APBB2: variants seen among roughly 807,000 people sequenced by gnomAD.
APBB2 encodes amyloid beta precursor protein binding family B member 2.
APBB2 carries 38 observed loss-of-function variants against 82.5 expected under a neutral mutation model. The ratio of observed to expected loss-of-function variants is 0.46; its 90% CI spans 0.36 to 0.60. The LOEUF (loss-of-function observed/expected upper bound fraction) is 0.60, where lower values mean the gene tolerates loss of function less well. Among genes scored for constraint, APBB2 ranks in the 20% least tolerant of loss-of-function variants. The pLI, the probability that APBB2 is intolerant of heterozygous loss-of-function variation, is 0.00. For synonymous variants in APBB2, 341 were observed against 368.2 expected, an observed-to-expected ratio of 0.93 and a Z score of 0.85; for missense variants, 772 against 972.3, an observed-to-expected ratio of 0.79 and a Z score of 2.74.
In APBB2 at chr4:40,949,957, A is replaced by T. The variant is rs182764070; in HGVS notation, c.836-4884T>A. Among the ~76,000 whole-genome samples, 328 of 152,238 alleles carry T rather than the reference A, an allele frequency of 2.2e-3. 2 individuals are homozygous for T. The highest frequency in any genetic ancestry group is 7.4e-3 in the African/African-American group (309 of 41,552). On this transcript the variant is annotated intron_variant, in intron 6 of 17. Coordinates refer to ENST00000508593, the MANE Select transcript of APBB2 (RefSeq NM_004307.2). ...TGTGCAACAGTCCTCTTAGGGGGTG[A>T]GATTCGGCACTGGACAGCCTAAAAC...
At chr4:41,133,636 G>A (rs1254511739) in intron 2 of APBB2, among the ~76,000 whole-genome samples, 1 of 139,616 alleles carries the variant, frequency 7.2e-6, no homozygotes, top group African/African-American at 2.5e-5. Flanking sequence ...AGGAAGAAAG[G>A]GATTAACATC....
At chr4:40,985,118 T>C (rs1460398773) in intron 6 of APBB2, among the ~76,000 whole-genome samples, 1 of 152,068 alleles carries the variant, frequency 6.6e-6, no homozygotes, top group Non-Finnish European at 1.5e-5. Flanking sequence ...TTTCACCATA[T>C]TGCCCAGGCT....
chr4:40,958,833 T>C (rs1197922311), intron 6 of APBB2, among the ~76,000 whole-genome samples: 1 of 152,218 alleles, frequency 6.6e-6, no homozygotes, highest in Non-Finnish European at 1.5e-5. Context: ...CTTGAACTCC[T>C]GACCTCAAGT....
intron 1 of APBB2, among the ~76,000 whole-genome samples, chr4:41,164,095 G>C (rs879552117): frequency 2.0e-5 from 3 of 152,170 alleles, no homozygotes; most frequent in Non-Finnish European, 4.4e-5. Context: ...CTTGGAGATG[G>C]AGCCCAAGTC....
intron 6 of APBB2, among the ~76,000 whole-genome samples, chr4:41,005,669 C>A (rs1206042675): frequency 6.6e-6 from 1 of 152,166 alleles, no homozygotes; most frequent in Non-Finnish European, 1.5e-5. Flanking sequence ...ACAGGACCCT[C>A]TCCCCAGAAG....
At chr4:41,074,735 G>A (rs1420580692) in intron 3 of APBB2, among the ~76,000 whole-genome samples, 2 of 151,260 alleles carry the variant, frequency 1.3e-5, no homozygotes, top group Admixed American at 6.6e-5. Flanking sequence ...TCAGCCTCCC[G>A]AGTAGCTGGG....
At chr4:40,908,672 C>T (rs933925235) in intron 10 of APBB2, among the ~76,000 whole-genome samples, 8 of 152,104 alleles carry the variant, frequency 5.3e-5, no homozygotes, top group African/African-American at 1.9e-4. Flanking sequence ...CCTAGGAGTA[C>T]CCTGAGGAGA....
chr4:40,982,941 G>A (rs935502753), intron 6 of APBB2, among the ~76,000 whole-genome samples: 1 of 152,188 alleles, frequency 6.6e-6, no homozygotes, highest in Non-Finnish European at 1.5e-5. Flanking sequence ...AGGGAACTGC[G>A]ATGGCCCTTT....
intron 2 of APBB2, among the ~76,000 whole-genome samples, chr4:41,141,717 G>A (rs1025027972): frequency 2.0e-5 from 3 of 152,192 alleles, no homozygotes; most frequent in Non-Finnish European, 1.5e-5. Context: ...CATGGTGGAA[G>A]GCAAGGAGGA....
In APBB2 at chr4:41,044,143, A is replaced by G. The variant is rs145014435; in HGVS notation, c.-50-10839T>C. On this transcript the variant is annotated intron_variant, in intron 4 of 17. Coordinates refer to ENST00000508593, the MANE Select transcript of APBB2 (RefSeq NM_004307.2). The stretch of plus-strand genomic sequence containing the variant: ...CAATTATTTAATTTCATTTTCATCT[A>G]CTGGGTGGAAAAATTTTAGGAGATG... 2.8e-3 allele frequency among the ~76,000 whole-genome samples: 420 copies of G among 152,268 alleles called. 2 individuals carry two copies. The highest frequency in any genetic ancestry group is 9.6e-3 in the African/African-American group (397 of 41,548).
intron 17 of APBB2, among the ~76,000 whole-genome samples, chr4:40,820,665 C>T (rs34160971): frequency 6.6e-6 from 1 of 151,834 alleles, no homozygotes; most frequent in Non-Finnish European, 1.5e-5. Flanking sequence ...AACTTCATCT[C>T]AATAAATAAA....
intron 12 of APBB2, among the ~76,000 whole-genome samples, chr4:40,844,119 C>A (rs1756798603): frequency 6.6e-6 from 1 of 150,450 alleles, no homozygotes; most frequent in East Asian, 2.0e-4. Context: ...CTAAAAATTC[C>A]TAAGAGGATC....
chr4:41,012,217 G>A (rs944444405), intron 6 of APBB2, among the ~76,000 whole-genome samples: 2 of 152,206 alleles, frequency 1.3e-5, no homozygotes, highest in African/African-American at 4.8e-5. Flanking sequence ...AAGAGCAGCA[G>A]AAAGGGTGCC....
intron 1 of APBB2, among the ~76,000 whole-genome samples, chr4:41,204,887 T>C (rs954839526): frequency 1.3e-5 from 2 of 152,208 alleles, no homozygotes; most frequent in African/African-American, 4.8e-5. Flanking sequence ...AAACACTGAA[T>C]GAAATGCTTT....
intron 4 of APBB2, 87 bp from the exon 5 acceptor site, chr4:41,033,391 A>C: frequency 1.1e-6 from 1 of 948,468 alleles, no homozygotes; most frequent in Non-Finnish European, 1.5e-6. Flanking sequence ...AATCTCTCCA[A>C]AAGCTGTTAT....
At chr4:40,880,725 CAG>C (rs1390074555) in intron 12 of APBB2, 3 of 985,298 alleles carry the variant, frequency 3.0e-6, no homozygotes, top group African/African-American at 1.7e-5. Flanking sequence ...GCTCAGGACT[CAG>C]GGGAAGTGCG....
intron 12 of APBB2, among the ~76,000 whole-genome samples, chr4:40,856,247 C>T (rs1761151690): frequency 6.6e-6 from 1 of 152,210 alleles, no homozygotes; most frequent in South Asian, 2.1e-4. Flanking sequence ...AATGAAGATT[C>T]ACAGCTACAC....
chr4:40,915,361 T>C (rs545404969), intron 10 of APBB2, among the ~76,000 whole-genome samples: 2 of 152,198 alleles, frequency 1.3e-5, no homozygotes, highest in East Asian at 3.8e-4. Flanking sequence ...TCCACTTGTG[T>C]GGTTCTCTCT....
chr4:40,949,606 A>T (rs544730866), intron 6 of APBB2, among the ~76,000 whole-genome samples: 8 of 152,224 alleles, frequency 5.3e-5, no homozygotes, highest in Admixed American at 5.2e-4. Context: ...GAGAGGGAGC[A>T]CAAGCAGAAC....
Sources: allele counts gnomAD v4.1 joint callset (sites outside exome capture counted in the v4.1 genomes callset), GRCh38; gene constraint gnomAD v4.1.1; transcripts MANE v1.5; gene names NCBI Gene and HGNC (gene_info 2026-07-23, HGNC 2026-07-21).